CA4: variants seen among roughly 807,000 people sequenced by gnomAD.
The protein encoded by CA4 is carbonic anhydrase 4.
CA4 carries 24 observed loss-of-function variants against 34.5 expected under a neutral mutation model. That is an observed-to-expected ratio of 0.70 (90% CI 0.50 to 0.98). CA4 has a LOEUF of 0.98. CA4 is among the 50% of genes least tolerant of loss of function. The probability of loss-of-function intolerance (pLI) is 0.00; values close to 1 mark genes in which losing one functional copy is unlikely to be tolerated. For synonymous variants in CA4, 178 were observed against 170.6 expected, an observed-to-expected ratio of 1.04 and a Z score of -0.34; for missense variants, 394 against 396.7, an observed-to-expected ratio of 0.99 and a Z score of 0.06.
chr17:60,171,634 TTA>T (rs1321988835), downstream of CA4, among the ~76,000 whole-genome samples: 4 of 152,192 alleles, frequency 2.6e-5, no homozygotes, highest in Non-Finnish European at 5.9e-5. Flanking sequence ...TTCTGAATGC[TTA>T]GAGGTGACAG....
intron 5 of CA4, 73 bp downstream of exon 5, chr17:60,157,861 A>G (rs2083719517): frequency 6.6e-7 from 1 of 1,519,852 alleles, no homozygotes. Flanking sequence ...GAGACCTGGG[A>G]CTCCAGCGAG....
At chr17:60,168,511 G>T (rs1318329389) in intron 5 of CA4, among the ~76,000 whole-genome samples, 2 of 121,514 alleles carry the variant, frequency 1.6e-5, no homozygotes, top group Non-Finnish European at 3.4e-5. Context: ...TGGGGGGGCA[G>T]GTGGGGAAGG....
chr17:60,177,245 GTATT>G, the CA4 span, among the ~76,000 whole-genome samples: 1 of 152,188 alleles, frequency 6.6e-6, no homozygotes, highest in South Asian at 2.1e-4. Context: ...GGCATCCACA[GTATT>G]TAATTTGTTT....
At chr17:60,159,635 C>T (rs1285838457), downstream of CA4, 2 of 626,212 alleles carry the variant, frequency 3.2e-6, no homozygotes, top group Non-Finnish European at 5.6e-6. Flanking sequence ...AGGGCGGGGG[C>T]TTTAAGGCCA....
At chr17:60,176,983 G>C in the CA4 span, among the ~76,000 whole-genome samples, 3 of 152,294 alleles carry the variant, frequency 2.0e-5, no homozygotes, top group African/African-American at 7.2e-5. Flanking sequence ...AGGGGGAGCG[G>C]CTCTAAATAC....
intron 7 of CA4, chr17:60,158,942 T>A: frequency 2.0e-6 from 1 of 490,562 alleles, no homozygotes; most frequent in Non-Finnish European, 3.7e-6. Context: ...CATGCTCAAG[T>A]TTGAGAGCCA....
In CA4 at chr17:60,156,732, C is replaced by A. The variant is rs766479455; in HGVS notation, c.268+17C>A. The A allele has an allele frequency of 3.7e-6, 6 of 1,612,066 alleles. No individual in the cohort carries two copies. Among genetic ancestry groups the A allele is most frequent in the South Asian group, 3.3e-5 (3 of 91,030 alleles). On this transcript the variant is annotated intron_variant, in intron 3 of 7. Coordinates refer to ENST00000300900, the MANE Select transcript of CA4 (RefSeq NM_000717.5). Reference sequence around the variant, plus strand: ...GGCACTCAGGTGGGCTGGATGGAGGCCCCAGGCAGGCCTGGGCACCCGAGT... The same window carrying A: ...GGCACTCAGGTGGGCTGGATGGAGGACCCAGGCAGGCCTGGGCACCCGAGT...
At chr17:60,156,112 C>T (rs1401875644) in intron 2 of CA4, among the ~76,000 whole-genome samples, 2 of 152,142 alleles carry the variant, frequency 1.3e-5, no homozygotes, top group Non-Finnish European at 2.9e-5. Flanking sequence ...TCAGCAGCCC[C>T]CCCGGGGGTC....
At chr17:60,163,217 C>A (rs1255994230), downstream of CA4, among the ~76,000 whole-genome samples, 1 of 151,992 alleles carries the variant, frequency 6.6e-6, no homozygotes, top group Non-Finnish European at 1.5e-5. Context: ...GACGTCTGCC[C>A]ATGGTTCGTG....
downstream of CA4, among the ~76,000 whole-genome samples, chr17:60,161,010 C>T (rs181563845): frequency 3.6e-4 from 54 of 151,840 alleles, no homozygotes; most frequent in African/African-American, 8.7e-4. Context: ...GAAGGCAGAA[C>T]GCAGGGACAG....
chr17:60,159,112 C>T lies in CA4; in HGVS notation c.745-118C>T. ...ACGACCACCTTGAGAGCCAGGGGTT[C>T]AGAGCCCCTCTTTCCTAATGAGGGC... On this transcript the variant is annotated intron_variant, in intron 7 of 7. Transcript: ENST00000300900. The T allele has an allele frequency of 3.5e-6, 3 of 858,282 alleles. No homozygotes were observed. In the Admixed American group the frequency reaches 6.0e-5, roughly 17 times the overall value. The allele number at this position is 858,282 out of a possible 1,614,324, so 53.2% of individuals were successfully genotyped here. A position where few individuals can be genotyped will look rare whatever the true frequency, so the allele number is the denominator to read the frequency against.
At chr17:60,170,683 A>G (rs931875799) in exon 6 of CA4, 1 of 152,246 alleles carries the variant, frequency 6.6e-6, no homozygotes, top group Non-Finnish European at 1.5e-5. Context: ...GGGGACACCC[A>G]CTTCCTCTCC....
chr17:60,166,471 T>A (rs927850656), intron 5 of CA4, among the ~76,000 whole-genome samples: 1 of 152,188 alleles, frequency 6.6e-6, no homozygotes, highest in Admixed American at 6.6e-5. Context: ...GTTCAAAGGG[T>A]AAATGCCTAT....
chr17:60,165,837 T>C (rs1598005287), intron 5 of CA4, among the ~76,000 whole-genome samples: 2 of 152,270 alleles, frequency 1.3e-5, no homozygotes, highest in South Asian at 4.1e-4. Context: ...ATCTCTTTTT[T>C]TTTTTTTTTA....
rs372900209 is a variant in CA4, at chr17:60,155,439, G to C, written c.112+72G>C. 247 of 1,217,496 alleles carry C rather than the reference G, an allele frequency of 2.0e-4. 2 individuals carry two copies. Among genetic ancestry groups the C allele is most frequent in the Admixed American group, 5.9e-5 (3 of 50,708 alleles). 75.4% of individuals were successfully genotyped at this position (1,217,496 alleles called of 1,614,324 possible). A position where few individuals can be genotyped will look rare whatever the true frequency, so the allele number is the denominator to read the frequency against. On this transcript the variant is annotated intron_variant, in intron 2 of 7. Transcript: ENST00000300900. ...CCACGCAAGCCGAAATGGAGACCCC[G>C]GAAGAGTGGGAAGGGGAGGGGTGAT... is the stretch of plus-strand genomic sequence containing the variant.
Position 60,150,025 on chromosome 17 carries a change from G to T in CA4, c.-10G>T. On this transcript the variant is annotated 5_prime_UTR_variant, in exon 1 of 8. Transcript: ENST00000300900. The stretch of plus-strand genomic sequence containing the variant: ...CCCCCGGCTCAGAGGACTCTTTGCT[G>T]TCCCGCAAGATGCGGATGCTGCTGG... 6.2e-7 allele frequency: 1 copy of T among 1,602,026 alleles called. No homozygotes were observed.
In CA4 at chr17:60,158,270, G is replaced by T; in HGVS notation, c.581-13G>T. 1 of 1,614,064 alleles carries T rather than the reference G, an allele frequency of 6.2e-7. No homozygotes were observed. The highest frequency in any genetic ancestry group is 8.5e-7 in the Non-Finnish European group (1 of 1,179,960). On this transcript the variant is annotated splice_polypyrimidine_tract_variant and intron_variant, in intron 6 of 7. Transcript: ENST00000300900. ...CCCACCCTCACTGACAGTGTCCTCT[G>T]CCCCTATCTCAGAGATGAGCACTAC...
At chr17:60,176,611 T>G in the CA4 span, among the ~76,000 whole-genome samples, 1 of 152,156 alleles carries the variant, frequency 6.6e-6, no homozygotes, top group African/African-American at 2.4e-5. Context: ...GCACCAATCC[T>G]CAGTTTACCA....
rs777656443 is a variant in CA4 at position 60,158,103 on chromosome 17, GC to G, written c.557del (p.Ala186AspfsTer10). The G allele has an allele frequency of 1.1e-5, 18 of 1,613,898 alleles. No homozygotes were observed. Among genetic ancestry groups the G allele is most frequent in the Non-Finnish European group, 1.4e-5 (17 of 1,179,968 alleles). On this transcript the variant is annotated frameshift_variant, in exon 6 of 8. Coordinates refer to ENST00000300900, the MANE Select transcript of CA4 (RefSeq NM_000717.5). LOFTEE classifies it high-confidence loss of function. ...VNEGFQPLVE[A>X]LSNIPKPEMS... The stretch of plus-strand genomic sequence containing the variant: ...CGAGGGCTTCCAGCCACTGGTGGAG[GC>G]ACTGTCTAATATCCCCAAACCTGGT...
Sources: allele counts gnomAD v4.1 joint callset (sites outside exome capture counted in the v4.1 genomes callset), GRCh38; gene constraint gnomAD v4.1.1; transcripts MANE v1.5; gene names NCBI Gene and HGNC (gene_info 2026-07-23, HGNC 2026-07-21).